Variants in PRKCH observed in about 807,000 individuals in gnomAD.
The protein encoded by PRKCH is protein kinase C eta type.
PRKCH carries 28 observed loss-of-function variants against 82.5 expected under a neutral mutation model. That is an observed-to-expected ratio of 0.34 (90% CI 0.25 to 0.47). The LOEUF (loss-of-function observed/expected upper bound fraction) is 0.47. Ranked by LOEUF, PRKCH falls within the 20% of genes least tolerant of loss-of-function variation. The pLI, the probability that PRKCH is intolerant of heterozygous loss-of-function variation, is 1.00. For missense variants in PRKCH, 705 were observed against 881.8 expected (o/e 0.80, Z 2.54); for synonymous variants, 322 against 327.4 (o/e 0.98, Z 0.18).
chr14:61,492,975 G>A (rs1443700746), intron 10 of PRKCH, among the ~76,000 whole-genome samples: 1 of 152,230 alleles, frequency 6.6e-6, no homozygotes, highest in East Asian at 1.9e-4. Flanking sequence ...GCAGAGAAGT[G>A]TGGTGAATGT....
At chr14:61,254,600 C>T (rs1198047239) in intron 1 of PRKCH, among the ~76,000 whole-genome samples, 1 of 152,060 alleles carries the variant, frequency 6.6e-6, no homozygotes, top group Non-Finnish European at 1.5e-5. Flanking sequence ...CGGTGACAGA[C>T]CCTGTTTAAA....
chr14:61,201,771 T>C (rs2044483939), intron 1 of PRKCH, among the ~76,000 whole-genome samples: 1 of 152,166 alleles, frequency 6.6e-6, no homozygotes, highest in Admixed American at 6.5e-5. Context: ...GTCAAATTCG[T>C]AATTTTTTAA....
chr14:61,234,007 C>T (rs941148476), intron 1 of PRKCH, among the ~76,000 whole-genome samples: 5 of 152,228 alleles, frequency 3.3e-5, no homozygotes, highest in African/African-American at 9.7e-5. Context: ...GGAAGGTACA[C>T]TGTCCTGGTC....
chr14:61,457,603 T>C lies in PRKCH; in HGVS notation c.1202T>C (p.Met401Thr), dbSNP rs745368497. Reference sequence around the variant, plus strand: ...CAGGATGATGATGTGGAATGCACCATGACCGAGAAAAGGATCCTGTCTCTG... The same window carrying C: ...CAGGATGATGATGTGGAATGCACCACGACCGAGAAAAGGATCCTGTCTCTG... Reference protein sequence around the residue: ...ILQDDDVECTMTEKRILSLAR... With the variant: ...ILQDDDVECTTTEKRILSLAR... The change falls in exon 9 of 14, where the codon ATG becomes ACG. Residue 401 changes from methionine (M) to threonine (T), a missense_variant. Transcript: ENST00000332981. The C allele has an allele frequency of 6.2e-7, 1 of 1,614,196 alleles. No individual in the cohort carries two copies.
chr14:61,546,230 G>C (rs938843145), intron 12 of PRKCH, among the ~76,000 whole-genome samples: 5 of 152,178 alleles, frequency 3.3e-5, no homozygotes, highest in African/African-American at 1.2e-4. Flanking sequence ...TTACAGAACT[G>C]AGTTACTTAT....
intron 1 of PRKCH, among the ~76,000 whole-genome samples, chr14:61,386,118 T>C (rs988249106): frequency 2.0e-5 from 3 of 152,196 alleles, no homozygotes; most frequent in African/African-American, 7.2e-5. Flanking sequence ...GTTTGGTTGC[T>C]CTCTCAGAAT....
At chr14:61,340,592 A>T (rs1380209477) in intron 1 of PRKCH, among the ~76,000 whole-genome samples, 1 of 152,144 alleles carries the variant, frequency 6.6e-6, no homozygotes, top group East Asian at 1.9e-4. Context: ...CGTCTCCTTT[A>T]ATCCTCACAG....
intron 6 of PRKCH, among the ~76,000 whole-genome samples, chr14:61,452,124 G>A (rs1167166022): frequency 6.6e-6 from 1 of 152,146 alleles, no homozygotes; most frequent in Non-Finnish European, 1.5e-5. Flanking sequence ...CCTGAGGGTA[G>A]CACACCTGCA....
At position 61,266,053 on chromosome 14, in the gene PRKCH, C is replaced by T. The variant is rs75560279; in HGVS notation, c.-19+78385C>T. Among the ~76,000 whole-genome samples, 19 of 151,578 alleles carry T rather than the reference C, an allele frequency of 1.3e-4. No homozygotes were observed. The East Asian group carries it at 3.5e-3, about 28-fold the overall frequency. On this transcript the variant is annotated intron_variant, in intron 1 of 3. Transcript: ENST00000555185. Reference sequence around the variant, plus strand: ...GAAGTTGCAGTGAGCTGAGATCACCCCCAAGAATGTGAAAAGGGATTCTTT... The same window carrying T: ...GAAGTTGCAGTGAGCTGAGATCACCTCCAAGAATGTGAAAAGGGATTCTTT...
intron 2 of PRKCH, among the ~76,000 whole-genome samples, chr14:61,440,090 C>T (rs1015829691): frequency 2.0e-5 from 3 of 152,044 alleles, no homozygotes; most frequent in Non-Finnish European, 4.4e-5. Flanking sequence ...TTGCTTTGGC[C>T]GGTATTGAGC....
intron 1 of PRKCH, among the ~76,000 whole-genome samples, chr14:61,327,960 C>T (rs2045720924): frequency 6.6e-6 from 1 of 152,130 alleles, no homozygotes; most frequent in Non-Finnish European, 1.5e-5. Context: ...GCTTGAAAGA[C>T]TGGGCCTGGG....
intron 10 of PRKCH, among the ~76,000 whole-genome samples, chr14:61,507,091 A>T (rs1034705883): frequency 6.6e-6 from 1 of 152,204 alleles, no homozygotes; most frequent in Non-Finnish European, 1.5e-5. Context: ...ACCCAATAGC[A>T]AAAACTAATA....
Position 61,521,624 on chromosome 14 carries a change from A to G in PRKCH, c.1434-7451A>G, listed in dbSNP as rs371876040. On this transcript the variant is annotated intron_variant, in intron 10 of 13. Transcript: ENST00000332981. ...ACTCTGTTGCCCAGGCTGGAGTGCAATGGTGTGATCATGGCTCACTGCAGC... is the reference window on the plus strand; with the variant it reads ...ACTCTGTTGCCCAGGCTGGAGTGCAGTGGTGTGATCATGGCTCACTGCAGC... 3.7e-4 allele frequency among the ~76,000 whole-genome samples: 56 copies of G among 151,508 alleles called. 1 individual carries two copies. Among genetic ancestry groups the G allele is most frequent in the African/African-American group, 1.3e-3 (54 of 41,248 alleles).
At chr14:61,218,791 G>A (rs1167866189) in intron 1 of PRKCH, among the ~76,000 whole-genome samples, 2 of 152,102 alleles carry the variant, frequency 1.3e-5, no homozygotes, top group Non-Finnish European at 2.9e-5. Flanking sequence ...TTTCTCCAGT[G>A]CTCCCCCGAT....
At chr14:61,536,351 G>C (rs1257404023) in intron 12 of PRKCH, among the ~76,000 whole-genome samples, 1 of 152,160 alleles carries the variant, frequency 6.6e-6, no homozygotes, top group Non-Finnish European at 1.5e-5. Flanking sequence ...GAGAAGGAGA[G>C]AATCCTCACT....
chr14:61,432,675 A>G (rs547897279), intron 2 of PRKCH, among the ~76,000 whole-genome samples: 49 of 152,294 alleles, frequency 3.2e-4, no homozygotes, highest in African/African-American at 1.2e-3. Context: ...CTTAAGAGCT[A>G]GAAGGAACTT....
intron 1 of PRKCH, among the ~76,000 whole-genome samples, chr14:61,233,013 A>G (rs1271758623): frequency 6.6e-6 from 1 of 152,326 alleles, no homozygotes; most frequent in Non-Finnish European, 1.5e-5. Context: ...CTCTTCAGAC[A>G]CCGATCTCTT....
intron 1 of PRKCH, among the ~76,000 whole-genome samples, chr14:61,357,245 T>G (rs1439259386): frequency 6.6e-6 from 1 of 152,226 alleles, no homozygotes; most frequent in Non-Finnish European, 1.5e-5. Context: ...ATTTAACGAT[T>G]ACTCCATGCA....
At chr14:61,245,082 T>G (rs1256247594) in intron 1 of PRKCH, among the ~76,000 whole-genome samples, 1 of 152,216 alleles carries the variant, frequency 6.6e-6, no homozygotes, top group Non-Finnish European at 1.5e-5. Context: ...GTTTCTTGTT[T>G]CCCTCCATGT....
Sources: allele counts gnomAD v4.1 joint callset (sites outside exome capture counted in the v4.1 genomes callset), GRCh38; gene constraint gnomAD v4.1.1; transcripts MANE v1.5; gene names NCBI Gene and HGNC (gene_info 2026-07-23, HGNC 2026-07-21).